The following MYRFL variants were observed in gnomAD, a reference collection of about 807,000 sequenced individuals.
The protein encoded by MYRFL is myelin regulatory factor-like protein.
Under a neutral mutation model 109.4 loss-of-function variants are expected in MYRFL, and 88 were observed. The ratio of observed to expected loss-of-function variants is 0.80; its 90% confidence interval spans 0.68 to 0.96. The LOEUF is 0.96. Among genes scored for constraint, MYRFL ranks in the 40% least tolerant of loss-of-function variants. The pLI is 0.00. For synonymous variants in MYRFL, 324 were observed against 320.9 expected, an observed-to-expected ratio of 1.01 and a Z score of -0.10; for missense variants, 957 against 954.9, an observed-to-expected ratio of 1.00 and a Z score of -0.03.
intron 11 of MYRFL, among the ~76,000 whole-genome samples, chr12:69,908,854 C>T (rs1378162950): frequency 6.6e-6 from 1 of 152,078 alleles, no homozygotes; most frequent in Non-Finnish European, 1.5e-5. Context: ...TTTCATCACC[C>T]AGGTATTAAG....
intron 13 of MYRFL, among the ~76,000 whole-genome samples, chr12:69,917,834 G>A (rs1465877599): frequency 2.0e-5 from 3 of 151,846 alleles, no homozygotes; most frequent in Non-Finnish European, 4.4e-5. Context: ...GAAATCTGAA[G>A]GAGAAGTGAT....
chr12:69,897,143 G>A lies in MYRFL; in HGVS notation c.1092-13G>A, dbSNP rs1293363984. ...CCTGATGCATTGGCATTGGTCTGCT[G>A]TCTCTGAATTAGATACTTCATGTTG... On this transcript the variant is annotated splice_polypyrimidine_tract_variant and intron_variant, in intron 9 of 24. Coordinates refer to ENST00000552032, the MANE Select transcript of MYRFL (RefSeq NM_182530.3). 1 of 1,527,262 alleles carries A rather than the reference G, an allele frequency of 6.5e-7. No individual in the cohort carries two copies. The highest frequency in any genetic ancestry group is 8.8e-7 in the Non-Finnish European group (1 of 1,139,038). 94.6% of individuals were successfully genotyped at this position (1,527,262 alleles called of 1,614,324 possible). A position where few individuals can be genotyped will look rare whatever the true frequency, so the allele number is the denominator to read the frequency against.
intron 13 of MYRFL, among the ~76,000 whole-genome samples, chr12:69,916,910 A>G (rs983790019): frequency 2.6e-5 from 4 of 152,102 alleles, no homozygotes; most frequent in African/African-American, 9.7e-5. Context: ...ACTGCCCAAC[A>G]CTTTGCACTG....
intron 19 of MYRFL, among the ~76,000 whole-genome samples, chr12:69,948,777 C>A (rs1955900222): frequency 6.6e-6 from 1 of 152,166 alleles, no homozygotes. Flanking sequence ...ATGGAAAGCA[C>A]CATGTTGGGT....
intron 2 of MYRFL, among the ~76,000 whole-genome samples, chr12:69,861,917 AT>A (rs1332499260): frequency 6.6e-6 from 1 of 151,826 alleles, no homozygotes; most frequent in Non-Finnish European, 1.5e-5. Context: ...TCTTGAATTA[AT>A]TTTTGTATAA....
At chr12:69,844,817 C>T (rs1184517192) in intron 1 of MYRFL, among the ~76,000 whole-genome samples, 2 of 152,178 alleles carry the variant, frequency 1.3e-5, no homozygotes, top group Non-Finnish European at 2.9e-5. Flanking sequence ...AATTCAAACT[C>T]TGAGCATCCC....
chr12:69,898,591 TTTAAAG>T (rs1448492643), intron 10 of MYRFL, among the ~76,000 whole-genome samples: 7 of 152,204 alleles, frequency 4.6e-5, no homozygotes, highest in African/African-American at 7.2e-5. Context: ...ACAAATCTGA[TTTAAAG>T]TAAAGTCTGG....
At chr12:69,940,287 A>C (rs1240631953) in intron 19 of MYRFL, among the ~76,000 whole-genome samples, 1 of 150,732 alleles carries the variant, frequency 6.6e-6, no homozygotes, top group African/African-American at 2.4e-5. Context: ...AAAAAATGTT[A>C]AGGGCAGCCA....
At chr12:69,895,312 T>G in intron 8 of MYRFL, 59 bp from the exon 9 acceptor site, 1 of 1,237,554 alleles carries the variant, frequency 8.1e-7, no homozygotes. Context: ...TTAGATATGA[T>G]CAGAGATTTG....
At chr12:69,947,488 G>A (rs893989803) in intron 19 of MYRFL, among the ~76,000 whole-genome samples, 2 of 152,148 alleles carry the variant, frequency 1.3e-5, no homozygotes, top group Non-Finnish European at 2.9e-5. Flanking sequence ...TGGAAAGTGA[G>A]TATTTTGGAA....
In MYRFL at chr12:69,958,427, T is replaced by C; in HGVS notation, c.2647-18T>C. ...TTTTACATTAATCTTCCTTTTTTTT[T>C]TTCTCCTTTTCTGACAGGATTTAGC... is the stretch of plus-strand genomic sequence containing the variant. On this transcript the variant is annotated intron_variant, in intron 24 of 24. Transcript: ENST00000552032. 1 of 1,517,360 alleles carries C rather than the reference T, an allele frequency of 6.6e-7. No individual in the cohort carries two copies. The highest frequency in any genetic ancestry group is 8.8e-7 in the Non-Finnish European group (1 of 1,140,342). The allele number at this position is 1,517,360 out of a possible 1,614,324, so 94.0% of individuals were successfully genotyped here.
intron 21 of MYRFL, among the ~76,000 whole-genome samples, chr12:69,953,359 T>C (rs1178827329): frequency 6.6e-6 from 1 of 152,198 alleles, no homozygotes; most frequent in East Asian, 1.9e-4. Context: ...GCAAAAGTTA[T>C]CGGGACATCC....
chr12:69,862,005 A>G (rs1884707148), intron 2 of MYRFL, among the ~76,000 whole-genome samples: 1 of 150,008 alleles, frequency 6.7e-6, no homozygotes, highest in African/African-American at 2.4e-5. Context: ...TTAAATAGGG[A>G]ATCCTTTCCC....
intron 13 of MYRFL, among the ~76,000 whole-genome samples, chr12:69,919,359 C>T (rs558743117): frequency 6.6e-6 from 1 of 152,120 alleles, no homozygotes; most frequent in Admixed American, 6.6e-5. Flanking sequence ...ATGAAAGTAA[C>T]AAAAATTAAA....
intron 19 of MYRFL, among the ~76,000 whole-genome samples, chr12:69,950,315 G>A (rs181927557): frequency 1.4e-4 from 22 of 152,220 alleles, no homozygotes; most frequent in Admixed American, 1.2e-3. Flanking sequence ...AGTAGGCAGG[G>A]TTGAAAAATC....
Position 69,958,600 on chromosome 12 carries a change from T to G in MYRFL, c.*69T>G, listed in dbSNP as rs747761079. The G allele has an allele frequency of 9.9e-6, 11 of 1,114,354 alleles. No homozygotes were observed. Among genetic ancestry groups the G allele is most frequent in the Non-Finnish European group, 1.3e-5 (10 of 791,214 alleles). The allele number at this position is 1,114,354 out of a possible 1,614,324, so 69.0% of individuals were successfully genotyped here. ...ATACATTTAACAGAAACGAACATCC[T>G]CTTGCAACTTCTTTTTTCTTCTTTG... On this transcript the variant is annotated 3_prime_UTR_variant, in exon 25 of 25. Transcript: ENST00000552032.
intron 19 of MYRFL, among the ~76,000 whole-genome samples, chr12:69,940,587 A>G (rs1422737738): frequency 6.6e-6 from 1 of 152,310 alleles, no homozygotes; most frequent in East Asian, 1.9e-4. Flanking sequence ...GGTACCAGCC[A>G]CTGCAAAATC....
intron 13 of MYRFL, among the ~76,000 whole-genome samples, chr12:69,916,446 C>A (rs76340757): frequency 1.3e-5 from 2 of 152,162 alleles, no homozygotes; most frequent in East Asian, 3.8e-4. Context: ...CTTCCTTTTT[C>A]TTGTCCATGA....
chr12:69,837,827 T>C (rs1883036751), intron 1 of MYRFL, among the ~76,000 whole-genome samples: 1 of 152,216 alleles, frequency 6.6e-6, no homozygotes, highest in African/African-American at 2.4e-5. Context: ...TACTTTGCAC[T>C]TCACCTTTCA....
Sources: allele counts gnomAD v4.1 joint callset (sites outside exome capture counted in the v4.1 genomes callset), GRCh38; gene constraint gnomAD v4.1.1; transcripts MANE v1.5; gene names NCBI Gene and HGNC (gene_info 2026-07-23, HGNC 2026-07-21).